Variants in SLC9A9 observed in about 807,000 individuals in gnomAD.
SLC9A9 encodes the protein solute carrier family 9 member A9.
In SLC9A9, 62 loss-of-function variants were observed where a neutral mutation model predicts 77.8. That is an observed-to-expected ratio of 0.80 (90% CI 0.65 to 0.98). The LOEUF (loss-of-function observed/expected upper bound fraction) is 0.98. Ranked by LOEUF, SLC9A9 falls within the 50% of genes least tolerant of loss-of-function variation. The pLI is 0.00. For missense variants in SLC9A9, 775 were observed against 774.9 expected, an observed-to-expected ratio of 1.00 and a Z score of 0.00; for synonymous variants, 320 against 283.5, an observed-to-expected ratio of 1.13 and a Z score of -1.29.
At chr3:143,389,644 C>T (rs2033507423) in intron 12 of SLC9A9, among the ~76,000 whole-genome samples, 1 of 152,222 alleles carries the variant, frequency 6.6e-6, no homozygotes, top group Admixed American at 6.5e-5. Context: ...CAGCTCTCTA[C>T]ATTGTTATCA....
At chr3:143,567,023 T>A (rs988896362) in intron 8 of SLC9A9, among the ~76,000 whole-genome samples, 1 of 152,164 alleles carries the variant, frequency 6.6e-6, no homozygotes, top group Non-Finnish European at 1.5e-5. Context: ...AATATTCATT[T>A]AAAAATAATG....
chr3:143,789,366 AATCT>A (rs2008151914), intron 4 of SLC9A9, among the ~76,000 whole-genome samples: 1 of 152,144 alleles, frequency 6.6e-6, no homozygotes, highest in African/African-American at 2.4e-5. Context: ...CTTCCTAGAG[AATCT>A]GATGAAATGG....
intron 14 of SLC9A9, among the ~76,000 whole-genome samples, chr3:143,362,002 A>C (rs2032767758): frequency 6.6e-6 from 1 of 152,162 alleles, no homozygotes; most frequent in Non-Finnish European, 1.5e-5. Context: ...AAATTTTTAT[A>C]ATTTTGAACA....
At chr3:143,694,782 T>C (rs1486172690) in intron 4 of SLC9A9, among the ~76,000 whole-genome samples, 2 of 152,140 alleles carry the variant, frequency 1.3e-5, no homozygotes, top group Non-Finnish European at 2.9e-5. Flanking sequence ...TCTCATGTAG[T>C]ACACCCTCAA....
intron 6 of SLC9A9, 114 bp downstream of exon 6, chr3:143,652,141 A>G: frequency 1.2e-6 from 1 of 842,140 alleles, no homozygotes; most frequent in Non-Finnish European, 2.0e-6. Context: ...CTGTGATAAC[A>G]ATTCCTTGAA....
chr3:143,651,916 G>A, intron 6 of SLC9A9, among the ~76,000 whole-genome samples: 1 of 152,278 alleles, frequency 6.6e-6, no homozygotes, highest in Non-Finnish European at 1.5e-5. Flanking sequence ...TCTGGAAAGT[G>A]ACTTATATAA....
chr3:143,468,783 GT>G, intron 11 of SLC9A9, among the ~76,000 whole-genome samples: 1 of 152,150 alleles, frequency 6.6e-6, no homozygotes, highest in Non-Finnish European at 1.5e-5. Context: ...ATTAAAACCT[GT>G]TTTTTCTTAT....
intron 5 of SLC9A9, among the ~76,000 whole-genome samples, chr3:143,659,335 T>C (rs1482576218): frequency 6.6e-6 from 1 of 152,130 alleles, no homozygotes; most frequent in Admixed American, 6.5e-5. Context: ...GTAAGAACTG[T>C]GAGGAAAGAG....
At position 143,687,623 on chromosome 3, in the gene SLC9A9, G is replaced by T. The variant is rs534691975; in HGVS notation, c.649+5569C>A. Among the ~76,000 whole-genome samples, 5 of 152,076 alleles carry T rather than the reference G, an allele frequency of 3.3e-5. No homozygotes were observed. In the South Asian group the frequency reaches 1.0e-3, roughly 32 times the overall value. On this transcript the variant is annotated intron_variant, in intron 5 of 15. Transcript: ENST00000316549. ...TTCATTTTCCCTAAAATAAAAGATT[G>T]TTTTAAAATAAAAACCAGTCTCACA... is the stretch of plus-strand genomic sequence containing the variant.
At chr3:143,658,854 G>A (rs1450916059) in intron 5 of SLC9A9, among the ~76,000 whole-genome samples, 1 of 152,200 alleles carries the variant, frequency 6.6e-6, no homozygotes, top group Non-Finnish European at 1.5e-5. Context: ...AATCAATCCA[G>A]GTGGGGAATG....
chr3:143,503,384 C>G (rs1200719243), intron 9 of SLC9A9: 1 of 312,068 alleles, frequency 3.2e-6, no homozygotes, highest in Admixed American at 4.1e-5. Context: ...AATGCCAGTC[C>G]CAGCATCAAA....
At chr3:143,661,405 C>T (rs1032641092) in intron 5 of SLC9A9, among the ~76,000 whole-genome samples, 19 of 152,116 alleles carry the variant, frequency 1.2e-4, no homozygotes, top group Admixed American at 3.3e-4. Context: ...GAGGACACAG[C>T]CTTCCTCAGG....
intron 2 of SLC9A9, among the ~76,000 whole-genome samples, chr3:143,826,589 A>G (rs1167427940): frequency 2.0e-5 from 3 of 152,172 alleles, no homozygotes; most frequent in African/African-American, 7.2e-5. Flanking sequence ...TCTGACTACA[A>G]ATAGAGAGGG....
intron 4 of SLC9A9, among the ~76,000 whole-genome samples, chr3:143,702,088 G>A (rs772587440): frequency 1.8e-4 from 28 of 152,156 alleles, no homozygotes; most frequent in Non-Finnish European, 2.6e-4. Context: ...AAATATGCAG[G>A]AGAAATAAAG....
At chr3:143,631,669 T>C (rs2038424461) in intron 6 of SLC9A9, among the ~76,000 whole-genome samples, 1 of 152,082 alleles carries the variant, frequency 6.6e-6, no homozygotes, top group African/African-American at 2.4e-5. Flanking sequence ...GGAGGTGTTG[T>C]GCCTGGGTTA....
intron 6 of SLC9A9, among the ~76,000 whole-genome samples, chr3:143,591,308 T>C (rs1371028073): frequency 6.6e-6 from 1 of 152,266 alleles, no homozygotes; most frequent in African/African-American, 2.4e-5. Flanking sequence ...GGAAAGCACA[T>C]AGTTATCTTC....
chr3:143,534,484 C>A (rs2036559526), intron 9 of SLC9A9, among the ~76,000 whole-genome samples: 1 of 152,180 alleles, frequency 6.6e-6, no homozygotes, highest in Non-Finnish European at 1.5e-5. Flanking sequence ...TCACCCAGAG[C>A]TCTGGAACTG....
intron 4 of SLC9A9, among the ~76,000 whole-genome samples, chr3:143,721,717 C>A (rs566229836): frequency 6.6e-6 from 1 of 152,032 alleles, no homozygotes; most frequent in African/African-American, 2.4e-5. Flanking sequence ...GCAGAAGTGA[C>A]GGGTAGATTC....
At chr3:143,469,972 G>T (rs2035350939) in intron 11 of SLC9A9, among the ~76,000 whole-genome samples, 1 of 152,170 alleles carries the variant, frequency 6.6e-6, no homozygotes, top group Admixed American at 6.5e-5. Flanking sequence ...TTCATACCCA[G>T]CTGGGGATAA....
Sources: allele counts gnomAD v4.1 joint callset (sites outside exome capture counted in the v4.1 genomes callset), GRCh38; gene constraint gnomAD v4.1.1; transcripts MANE v1.5; gene names NCBI Gene and HGNC (gene_info 2026-07-23, HGNC 2026-07-21).